Variants in SNX13 observed in about 807,000 individuals in gnomAD.
SNX13 encodes the protein sorting nexin-13.
In SNX13, 45 loss-of-function variants were observed where a neutral mutation model predicts 133.6. The ratio of observed to expected loss-of-function variants is 0.34; its 90% CI spans 0.27 to 0.43. SNX13 has a LOEUF of 0.43. Ranked by LOEUF, SNX13 falls within the 20% of genes least tolerant of loss-of-function variation. The pLI, the probability that SNX13 is intolerant of heterozygous loss-of-function variation, is 1.00. For missense variants in SNX13, 1,032 were observed against 1,145.1 expected (o/e 0.90, Z 1.43); for synonymous variants, 414 against 373.9 (o/e 1.11, Z -1.24).
rs1790355425 is a variant in SNX13, at chr7:17,845,225, A to C, written c.1165+370T>G. Among the ~76,000 whole-genome samples, 8 of 152,262 alleles carry C rather than the reference A, an allele frequency of 5.3e-5. 1 individual carries two copies. The South Asian group carries it at 1.7e-3, about 32-fold the overall frequency. ...GGAAGGAAATTCTCACATATGCTAT[A>C]ACACGGATAAAACCTGAGGGCATAT... is the stretch of plus-strand genomic sequence containing the variant. On this transcript the variant is annotated intron_variant, in intron 12 of 25. Coordinates refer to ENST00000428135, the MANE Select transcript of SNX13 (RefSeq NM_015132.5).
At chr7:17,820,494 G>A (rs1218188085) in intron 18 of SNX13, among the ~76,000 whole-genome samples, 2 of 152,042 alleles carry the variant, frequency 1.3e-5, no homozygotes, top group African/African-American at 4.8e-5. Flanking sequence ...CATGTCCAAA[G>A]TTATTAATTT....
intron 21 of SNX13, among the ~76,000 whole-genome samples, chr7:17,802,628 G>A (rs1784757913): frequency 6.6e-6 from 1 of 152,068 alleles, no homozygotes; most frequent in African/African-American, 2.4e-5. Context: ...AAATAAAAAT[G>A]AGGCATCAGA....
At chr7:17,819,399 T>C (rs1241867097) in intron 18 of SNX13, among the ~76,000 whole-genome samples, 1 of 152,032 alleles carries the variant, frequency 6.6e-6, no homozygotes, top group African/African-American at 2.4e-5. Flanking sequence ...GCTAATTTTT[T>C]GTATTTTTGT....
intron 1 of SNX13, among the ~76,000 whole-genome samples, chr7:17,932,903 C>T (rs571457296): frequency 6.6e-6 from 1 of 152,334 alleles, no homozygotes; most frequent in Non-Finnish European, 1.5e-5. Flanking sequence ...AAGGCTCCCA[C>T]TTTGATGGCC....
rs188884573 is a variant in SNX13, at chr7:17,811,747, T to C, written c.2064+3087A>G. Among the ~76,000 whole-genome samples the C allele has an allele frequency of 1.1e-4, 17 of 152,284 alleles. No homozygotes were observed. The East Asian group carries it at 2.9e-3, about 26-fold the overall frequency. ...CATCATGCTACCTGACTTCAAACTATACTACAAAGCTACAGTAGTCAAAAC... is the reference window on the plus strand; with the variant it reads ...CATCATGCTACCTGACTTCAAACTACACTACAAAGCTACAGTAGTCAAAAC... On this transcript the variant is annotated intron_variant, in intron 20 of 25. Coordinates refer to ENST00000428135, the MANE Select transcript of SNX13 (RefSeq NM_015132.5).
At chr7:17,805,244 T>TGTGTGTGTGTGTGTGC (rs1554304228) in intron 20 of SNX13, among the ~76,000 whole-genome samples, 3 of 107,300 alleles carry the variant, frequency 2.8e-5, no homozygotes, top group African/African-American at 9.4e-5. Flanking sequence ...TGTGTGTGTG[T>TGTGTGTGTGTGTGTGC]GTGTGTGCGT....
chr7:17,839,699 T>C, intron 13 of SNX13, 108 bp downstream of exon 13: 1 of 833,800 alleles, frequency 1.2e-6, no homozygotes, highest in Non-Finnish European at 1.8e-6. Context: ...TGTTATCGAT[T>C]AAAGGAGACA....
intron 9 of SNX13, among the ~76,000 whole-genome samples, chr7:17,855,170 T>C (rs968826989): frequency 5.9e-5 from 9 of 152,172 alleles, no homozygotes; most frequent in African/African-American, 7.2e-5. Flanking sequence ...CTAGCTTCAA[T>C]TCTATAAAGG....
intron 10 of SNX13, 36 bp from the exon 11 acceptor site, chr7:17,850,471 G>T: frequency 6.2e-6 from 8 of 1,290,360 alleles, no homozygotes; most frequent in Non-Finnish European, 8.5e-6. Context: ...GAAAGTGGTA[G>T]TGTTATTTAT....
At position 17,864,661 on chromosome 7, in the gene SNX13, G is replaced by A. The variant is rs534365511; in HGVS notation, c.837+3746C>T. On this transcript the variant is annotated intron_variant, in intron 9 of 25. Coordinates refer to ENST00000428135, the MANE Select transcript of SNX13 (RefSeq NM_015132.5). ...ATGAATATCCAGGTACAAGAAGGTCGAAAAACACCAATAAAATTCAATCCA... is the reference window on the plus strand; with the variant it reads ...ATGAATATCCAGGTACAAGAAGGTCAAAAAACACCAATAAAATTCAATCCA... Among the ~76,000 whole-genome samples the A allele has an allele frequency of 6.6e-5, 10 of 152,002 alleles. No individual in the cohort carries two copies. In the East Asian group the frequency reaches 7.7e-4, roughly 12 times the overall value.
At chr7:17,835,293 T>C (rs1218421737) in intron 13 of SNX13, among the ~76,000 whole-genome samples, 1 of 151,962 alleles carries the variant, frequency 6.6e-6, no homozygotes. Flanking sequence ...TAGATGTGTA[T>C]TAATATGACT....
At chr7:17,933,268 G>T (rs773049938) in intron 1 of SNX13, among the ~76,000 whole-genome samples, 1 of 152,052 alleles carries the variant, frequency 6.6e-6, no homozygotes, top group African/African-American at 2.4e-5. Context: ...AGGCGGCCGG[G>T]CCCAGTGGCT....
At chr7:17,869,430 T>C (rs1029883907) in intron 8 of SNX13, among the ~76,000 whole-genome samples, 1 of 152,112 alleles carries the variant, frequency 6.6e-6, no homozygotes, top group African/African-American at 2.4e-5. Flanking sequence ...ATACAATGAT[T>C]TCACCTGGTA....
At chr7:17,890,514 C>A in intron 4 of SNX13, 30 bp from the exon 5 acceptor site, 5 of 1,513,324 alleles carry the variant, frequency 3.3e-6, no homozygotes, top group Non-Finnish European at 4.4e-6. Context: ...AAAAAAATTA[C>A]AACATTTTAG....
chr7:17,857,536 G>A (rs1400407542), intron 9 of SNX13, among the ~76,000 whole-genome samples: 1 of 152,150 alleles, frequency 6.6e-6, no homozygotes, highest in Non-Finnish European at 1.5e-5. Context: ...TATAATCCCA[G>A]CACTTTGGGA....
chr7:17,827,656 A>G (rs569977946), intron 16 of SNX13, among the ~76,000 whole-genome samples: 1 of 151,934 alleles, frequency 6.6e-6, no homozygotes, highest in Non-Finnish European at 1.5e-5. Flanking sequence ...CCAATACCTT[A>G]AGAGACTTTA....
At chr7:17,860,640 G>C (rs1792563017) in intron 9 of SNX13, among the ~76,000 whole-genome samples, 1 of 152,110 alleles carries the variant, frequency 6.6e-6, no homozygotes, top group Non-Finnish European at 1.5e-5. Flanking sequence ...TTTACATGCA[G>C]GGCAAGGTTA....
rs71010273 is a variant in SNX13, at chr7:17,801,009, CATATATATAT to C, written c.2298+569_2298+578del. Among the ~76,000 whole-genome samples, 174 of 120,016 alleles carry C rather than the reference CATATATATAT, an allele frequency of 1.4e-3. 2 individuals are homozygous for C. The highest frequency in any genetic ancestry group is 2.7e-3 in the Admixed American group (30 of 10,988). The allele number at this position is 120,016 out of a possible 152,430, so 78.7% of individuals were successfully genotyped here. On this transcript the variant is annotated intron_variant, in intron 22 of 25. Coordinates refer to ENST00000428135, the MANE Select transcript of SNX13 (RefSeq NM_015132.5). Reference sequence around the variant, plus strand: ...CTTGGCAGTATCTACTAAAACTGAACATATATATATATATATATATATATATATATATATA... The same window carrying C: ...CTTGGCAGTATCTACTAAAACTGAACATATATATATATATATATATATATA...
At chr7:17,887,081 A>C (rs1449105637) in intron 5 of SNX13, among the ~76,000 whole-genome samples, 1 of 152,152 alleles carries the variant, frequency 6.6e-6, no homozygotes. Context: ...AACACTTACT[A>C]TGTGCCAGCT....
Sources: allele counts gnomAD v4.1 joint callset (sites outside exome capture counted in the v4.1 genomes callset), GRCh38; gene constraint gnomAD v4.1.1; transcripts MANE v1.5; gene names NCBI Gene and HGNC (gene_info 2026-07-23, HGNC 2026-07-21).